Variants in MYRF observed in about 807,000 individuals in gnomAD.
The protein encoded by MYRF is myelin regulatory factor, also known as myelin gene regulatory factor.
A neutral mutation model predicts 126.3 loss-of-function variants in MYRF; 16 were observed. The observed-to-expected ratio is 0.13, with a 90% confidence interval of 0.09 to 0.19. The LOEUF is 0.19. Ranked by LOEUF, MYRF falls within the 10% of genes least tolerant of loss-of-function variation. The probability of loss-of-function intolerance (pLI) is 1.00; values close to 1 mark genes in which losing one functional copy is unlikely to be tolerated. For missense variants in MYRF, 1,104 were observed against 1,547.0 expected (o/e 0.71, Z 4.80); for synonymous variants, 608 against 635.3 (o/e 0.96, Z 0.65).
rs991602813 is a variant in MYRF, at chr11:61,785,562, G to A, written c.3301-238G>A. 8.8e-6 allele frequency: 5 copies of A among 568,798 alleles called. No individual in the cohort carries two copies. In the African/African-American group the frequency reaches 9.4e-5, roughly 11 times the overall value. 35.2% of individuals were successfully genotyped at this position (568,798 alleles called of 1,614,324 possible). A position where few individuals can be genotyped will look rare whatever the true frequency, so the allele number is the denominator to read the frequency against. On this transcript the variant is annotated intron_variant, in intron 25 of 26. Transcript: ENST00000278836. Reference sequence around the variant, plus strand: ...CCAGCACAACAGGACTGGGAAGGAGGCAGGGGCCAGGTGGAGGTGGCTGTG... The same window carrying A: ...CCAGCACAACAGGACTGGGAAGGAGACAGGGGCCAGGTGGAGGTGGCTGTG...
At chr11:61,774,184 G>T in intron 8 of MYRF, 22 bp downstream of exon 8, 1 of 1,584,006 alleles carries the variant, frequency 6.3e-7, no homozygotes, top group South Asian at 1.1e-5. Context: ...GCTCAGCAAG[G>T]AAGGGAGGGC....
intron 7 of MYRF, 147 bp downstream of exon 7, chr11:61,772,099 C>A: frequency 1.6e-6 from 2 of 1,221,966 alleles, no homozygotes; most frequent in Non-Finnish European, 2.2e-6. Flanking sequence ...CCAGGACTGG[C>A]AGTCAGGGCT....
At chr11:61,779,712 C>A in intron 16 of MYRF, 130 bp from the exon 17 acceptor site, 1 of 1,208,454 alleles carries the variant, frequency 8.3e-7, no homozygotes, top group Non-Finnish European at 1.2e-6. Flanking sequence ...CCCCGTTTCT[C>A]TTTCTTCTCC....
In MYRF at chr11:61,780,776, G is replaced by A; in HGVS notation, c.2470G>A (p.Glu824Lys). ...CCGGCCCCAGCCCCCTGGGGGGAGTGAGGCCTTGTGCCCATGGTACGTGCT... is the reference window on the plus strand; with the variant it reads ...CCGGCCCCAGCCCCCTGGGGGGAGTAAGGCCTTGTGCCCATGGTACGTGCT... Reference protein sequence around the residue: ...LLRPQPPGGSEALCPWSSQSF... With the variant: ...LLRPQPPGGSKALCPWSSQSF... The change falls in exon 19 of 27, where the codon GAG becomes AAG. Residue 824 changes from glutamate (E) to lysine (K), a missense_variant. Transcript: ENST00000278836. 1.9e-6 allele frequency: 3 copies of A among 1,546,450 alleles called. No homozygotes were observed. The highest frequency in any genetic ancestry group is 1.2e-5 in the South Asian group (1 of 84,124).
At position 61,786,170 on chromosome 11, in the gene MYRF, C is replaced by A. The variant is rs771488548; in HGVS notation, c.*27C>A. 6.2e-7 allele frequency: 1 copy of A among 1,607,456 alleles called. No homozygotes were observed. On this transcript the variant is annotated 3_prime_UTR_variant, in exon 27 of 27. Coordinates refer to ENST00000278836, the MANE Select transcript of MYRF (RefSeq NM_001127392.3). This position sits in a 1 kb window ranked among gnomAD's most constrained non-coding sequence, Gnocchi z 4.5. The stretch of plus-strand genomic sequence containing the variant: ...CTGCCCTCCTGAGGCAGCACCACAC[C>A]AGGGACCAGGGGTGCCCAGGCACCC...
chr11:61,766,886 G>A lies in MYRF; in HGVS notation c.398+665G>A, dbSNP rs1214053908. The A allele has an allele frequency of 7.7e-6, 3 of 389,930 alleles. No homozygotes were observed. The Admixed American group carries it at 8.3e-5, about 11-fold the overall frequency. 24.2% of individuals were successfully genotyped at this position (389,930 alleles called of 1,614,324 possible). A position where few individuals can be genotyped will look rare whatever the true frequency, so the allele number is the denominator to read the frequency against. On this transcript the variant is annotated intron_variant, in intron 3 of 26. Transcript: ENST00000278836. ...CAGGGGAGCTCAGGGCAAATGTAGG[G>A]GCCCCTGTCTCTGGGTGGAAGAGCA...
Position 61,778,835 on chromosome 11 carries a change from A to ATTGT in MYRF, c.2013+346_2013+347insTTGT, listed in dbSNP as rs1202293918. 56 of 549,160 alleles carry ATTGT rather than the reference A, an allele frequency of 1.0e-4. No homozygotes were observed. The East Asian group carries it at 2.4e-3, about 24-fold the overall frequency. 34.0% of individuals were successfully genotyped at this position (549,160 alleles called of 1,614,324 possible). ...CTGAAATACGTGGTTTATTGTGAGGACGACGTTTGTCACTTACCTGTCCTG... is the reference window on the plus strand; with the variant it reads ...CTGAAATACGTGGTTTATTGTGAGGATTGTCGACGTTTGTCACTTACCTGTCCTG... On this transcript the variant is annotated intron_variant, in intron 14 of 26. Coordinates refer to ENST00000278836, the MANE Select transcript of MYRF (RefSeq NM_001127392.3). This position sits in a 1 kb window ranked among gnomAD's most constrained non-coding sequence, Gnocchi z 4.6.
At chr11:61,766,509 C>T (rs1565286626) in intron 3 of MYRF, 3 of 420,410 alleles carry the variant, frequency 7.1e-6, no homozygotes, top group African/African-American at 2.0e-5. Flanking sequence ...GGACAGGAAG[C>T]GGCGGGACTG....
At chr11:61,762,828 C>T (rs951338378) in intron 1 of MYRF, among the ~76,000 whole-genome samples, 20 of 152,180 alleles carry the variant, frequency 1.3e-4, no homozygotes, top group Non-Finnish European at 2.5e-4. Context: ...CTGGCCTCCC[C>T]GCAACGCTGC....
chr11:61,784,103 A>G, intron 24 of MYRF, 177 bp from the exon 25 acceptor site: 2 of 973,346 alleles, frequency 2.1e-6, no homozygotes, highest in East Asian at 2.6e-5. Flanking sequence ...ACCTGGCCTC[A>G]TGGGCTGAGG....
At chr11:61,785,933 G>T in intron 26 of MYRF, 59 bp downstream of exon 26, 1 of 1,583,618 alleles carries the variant, frequency 6.3e-7, no homozygotes, top group African/African-American at 1.3e-5. Flanking sequence ...GCGACGTGGG[G>T]CTTGAGGAAT....
intron 3 of MYRF, chr11:61,766,880 T>C (rs1466912330): frequency 2.6e-6 from 1 of 383,172 alleles, no homozygotes; most frequent in Non-Finnish European, 5.3e-6. Flanking sequence ...TCAGGGCAAA[T>C]GTAGGGGCCC....
Position 61,779,840 on chromosome 11 carries a change from A to G in MYRF, c.2248-2A>G. ...ATTTGCACTTTTCCTCTTGGTCCTC[A>G]GTCATCGTCCGTGGTTCCGGACCAG... On this transcript the variant is annotated splice_acceptor_variant, in intron 16 of 26. Coordinates refer to ENST00000278836, the MANE Select transcript of MYRF (RefSeq NM_001127392.3). LOFTEE classifies it high-confidence loss of function. 1 of 1,613,406 alleles carries G rather than the reference A, an allele frequency of 6.2e-7. No homozygotes were observed. Among genetic ancestry groups the G allele is most frequent in the Non-Finnish European group, 8.5e-7 (1 of 1,179,470 alleles).
chr11:61,782,093 A>G, intron 22 of MYRF: 2 of 399,372 alleles, frequency 5.0e-6, no homozygotes, highest in Middle Eastern at 1.3e-3. Context: ...TGACCTGCCC[A>G]GGGTTATACA....
chr11:61,776,199 G>T lies in MYRF; in HGVS notation c.1388+67G>T, dbSNP rs2066377268. On this transcript the variant is annotated intron_variant, in intron 9 of 26. Coordinates refer to ENST00000278836, the MANE Select transcript of MYRF (RefSeq NM_001127392.3). The surrounding 1 kb of genome is among the most constrained non-coding windows in gnomAD (Gnocchi z 4.3). ...CACAACTAAAGCTGGCTTGGGAATG[G>T]AGGGGCCAGGGAGGTACCCAGGGTG... is the stretch of plus-strand genomic sequence containing the variant. 1 of 1,596,390 alleles carries T rather than the reference G, an allele frequency of 6.3e-7. No homozygotes were observed. Among genetic ancestry groups the T allele is most frequent in the South Asian group, 1.1e-5 (1 of 90,656 alleles).
At chr11:61,770,830 G>A (rs546394401) in intron 5 of MYRF, among the ~76,000 whole-genome samples, 171 of 152,232 alleles carry the variant, frequency 1.1e-3, no homozygotes, top group Non-Finnish European at 1.8e-3. Flanking sequence ...GCCAGGACTG[G>A]GCCCGGGGCT....
Position 61,766,202 on chromosome 11 carries a change from A to G in MYRF, c.379A>G (p.Lys127Glu). Residue 127 changes from lysine (K) to glutamate (E), a missense_variant, in exon 3 of 27, where the codon AAG becomes GAG. Transcript: ENST00000278836. The part of the protein sequence containing the change: ...GTGPPIKAEP[K>E]APYAPGTLPD... The stretch of plus-strand genomic sequence containing the variant: ...CGGGCCCCCCATCAAGGCTGAGCCC[A>G]AGGCTCCCTATGCCCCAGGGTGAGT... The G allele has an allele frequency of 6.2e-7, 1 of 1,608,802 alleles. No individual in the cohort carries two copies. The highest frequency in any genetic ancestry group is 8.5e-7 in the Non-Finnish European group (1 of 1,178,696).
chr11:61,764,680 C>T lies in MYRF; in HGVS notation c.47-945C>T, dbSNP rs1158979484. 5.9e-5 allele frequency among the ~76,000 whole-genome samples: 9 copies of T among 152,326 alleles called. No individual in the cohort carries two copies. The East Asian group carries it at 1.4e-3, about 23-fold the overall frequency. On this transcript the variant is annotated intron_variant, in intron 1 of 26. Transcript: ENST00000278836. ...TCCCACGTCAGCCCCCTTATCACCC[C>T]GCCCTCTGGCTCCCCCTGCAAGGTG... is the stretch of plus-strand genomic sequence containing the variant.
Position 61,783,479 on chromosome 11 carries a change from C to T in MYRF, c.3017-19C>T. On this transcript the variant is annotated intron_variant, in intron 22 of 26. Transcript: ENST00000278836. This position sits in a 1 kb window ranked among gnomAD's most constrained non-coding sequence, Gnocchi z 4.6. The stretch of plus-strand genomic sequence containing the variant: ...TCTCATTTGTGTCCTGCCTTGTCAC[C>T]TTACTCCTGCCCCAACAGCCTCTCT... The T allele has an allele frequency of 6.2e-7, 1 of 1,602,460 alleles. No individual in the cohort carries two copies. The highest frequency in any genetic ancestry group is 1.1e-5 in the South Asian group (1 of 90,740).
Sources: gnomAD v4.1 joint callset for allele counts (sites outside exome capture counted in the v4.1 genomes callset) on GRCh38, gnomAD v4.1.1 for gene constraint, Gnocchi (gnomAD v3.1) non-coding constraint, MANE v1.5 for transcripts, NCBI Gene and HGNC (gene_info 2026-07-23, HGNC 2026-07-21) for gene names.